Variants in SHB observed in about 807,000 individuals in gnomAD.
SHB encodes SH2 domain-containing adapter protein B.
SHB carries 20 observed loss-of-function variants against 52.3 expected under a neutral mutation model. The observed-to-expected ratio is 0.38, with a 90% confidence interval of 0.27 to 0.56. The LOEUF (loss-of-function observed/expected upper bound fraction) is 0.56. Among genes scored for constraint, SHB ranks in the 20% least tolerant of loss-of-function variants. The pLI, the probability that SHB is intolerant of heterozygous loss-of-function variation, is 0.71. For missense variants in SHB, 825 were observed against 723.3 expected, an observed-to-expected ratio of 1.14 and a Z score of -1.61; for synonymous variants, 397 against 316.5, an observed-to-expected ratio of 1.25 and a Z score of -2.70.
chr9:37,961,548 T>C (rs1461348335), intron 3 of SHB, among the ~76,000 whole-genome samples: 1 of 152,202 alleles, frequency 6.6e-6, no homozygotes, highest in Non-Finnish European at 1.5e-5. Flanking sequence ...CAACTTCCCC[T>C]ACAAAACCCC....
At chr9:38,019,904 A>G (rs1821261777) in intron 1 of SHB, among the ~76,000 whole-genome samples, 1 of 152,216 alleles carries the variant, frequency 6.6e-6, no homozygotes, top group Non-Finnish European at 1.5e-5. Flanking sequence ...AAAAAATTTA[A>G]AAAAAGCAGT....
At chr9:37,990,745 G>A (rs894208853) in intron 2 of SHB, among the ~76,000 whole-genome samples, 2 of 152,192 alleles carry the variant, frequency 1.3e-5, no homozygotes, top group African/African-American at 4.8e-5. Flanking sequence ...AGAATGAAGG[G>A]ACCAGAAACT....
chr9:37,983,774 G>C (rs962088467), intron 2 of SHB, among the ~76,000 whole-genome samples: 1 of 152,242 alleles, frequency 6.6e-6, no homozygotes, highest in African/African-American at 2.4e-5. Context: ...ATCCGTGCCC[G>C]AGACGCCAGG....
At chr9:38,025,417 T>A (rs957331182) in intron 1 of SHB, among the ~76,000 whole-genome samples, 4 of 152,122 alleles carry the variant, frequency 2.6e-5, no homozygotes, top group Admixed American at 2.6e-4. Flanking sequence ...AGGCGACACT[T>A]ACCAGGGACA....
intron 1 of SHB, among the ~76,000 whole-genome samples, chr9:38,020,160 A>G (rs979847293): frequency 1.3e-5 from 2 of 152,252 alleles, no homozygotes; most frequent in Non-Finnish European, 2.9e-5. Context: ...TGCAATGTTA[A>G]AACATTTTCA....
intron 4 of SHB, 53 bp downstream of exon 4, chr9:37,955,830 C>A (rs1487186086): frequency 2.6e-6 from 4 of 1,556,136 alleles, no homozygotes; most frequent in Non-Finnish European, 3.5e-6. Context: ...AAAGAGAGGG[C>A]AAAAACTAGG....
At chr9:37,935,954 C>T (rs926988676) in intron 5 of SHB, among the ~76,000 whole-genome samples, 4 of 150,538 alleles carry the variant, frequency 2.7e-5, no homozygotes, top group East Asian at 1.9e-4. Context: ...ATAGGCCGGG[C>T]GACTTTAGGA....
intron 2 of SHB, among the ~76,000 whole-genome samples, chr9:38,009,464 C>G (rs1261492187): frequency 2.6e-5 from 4 of 152,242 alleles, no homozygotes; most frequent in Admixed American, 2.6e-4. Context: ...GAGGCAGAAT[C>G]TGATTTTAGA....
intron 2 of SHB, among the ~76,000 whole-genome samples, chr9:37,996,923 T>C (rs1199749800): frequency 3.3e-5 from 5 of 152,256 alleles, no homozygotes; most frequent in African/African-American, 1.2e-4. Context: ...CTAATTTTCT[T>C]GCTTGATCCA....
chr9:38,030,821 C>T (rs1258997550), intron 1 of SHB, among the ~76,000 whole-genome samples: 2 of 152,166 alleles, frequency 1.3e-5, no homozygotes, highest in Non-Finnish European at 2.9e-5. Context: ...GTAATCCCCT[C>T]CTCTTGCCAG....
chr9:38,027,320 A>G (rs1821355602), intron 1 of SHB, among the ~76,000 whole-genome samples: 1 of 152,136 alleles, frequency 6.6e-6, no homozygotes, highest in African/African-American at 2.4e-5. Flanking sequence ...CACTGGGAAA[A>G]CATCTTCCTT....
rs13298512 is a variant in SHB at position 37,962,651 on chromosome 9, T to C, written c.1055-6597A>G. 6.4e-3 allele frequency among the ~76,000 whole-genome samples: 971 copies of C among 151,918 alleles called. 4 individuals are homozygous for C. The highest frequency in any genetic ancestry group is 0.01 in the Non-Finnish European group (692 of 67,956). On this transcript the variant is annotated intron_variant, in intron 3 of 5. Transcript: ENST00000377707. Reference sequence around the variant, plus strand: ...CCTCCCAAGCAGTAGGGACTACAGGTGCATGCTACCATGCTGGGCTAAGTT... The same window carrying C: ...CCTCCCAAGCAGTAGGGACTACAGGCGCATGCTACCATGCTGGGCTAAGTT...
chr9:38,048,608 T>C (rs1821690962), intron 1 of SHB, among the ~76,000 whole-genome samples: 1 of 152,206 alleles, frequency 6.6e-6, no homozygotes. Flanking sequence ...CACTCTAGCC[T>C]GGGTGACATA....
At position 38,068,735 on chromosome 9, in the gene SHB, GC is replaced by G; in HGVS notation, c.-91del. On this transcript the variant is annotated 5_prime_UTR_variant, in exon 1 of 6. Coordinates refer to ENST00000377707, the MANE Select transcript of SHB (RefSeq NM_003028.3). Reference sequence around the variant, plus strand: ...AGCGCTGCGGCGCAGGTCCCTCGGCGCCCCGGCCCCGGCGGGGGGCGTCCGG... The same window carrying G: ...AGCGCTGCGGCGCAGGTCCCTCGGCGCCCGGCCCCGGCGGGGGGCGTCCGG... 2.5e-6 allele frequency: 2 copies of G among 800,706 alleles called. No homozygotes were observed. Among genetic ancestry groups the G allele is most frequent in the Non-Finnish European group, 3.1e-6 (2 of 641,876 alleles). 49.6% of individuals were successfully genotyped at this position (800,706 alleles called of 1,614,324 possible).
At chr9:37,993,603 T>C (rs1820910410) in intron 2 of SHB, among the ~76,000 whole-genome samples, 1 of 152,128 alleles carries the variant, frequency 6.6e-6, no homozygotes, top group South Asian at 2.1e-4. Context: ...CTATTCTTTA[T>C]GTTAACATAA....
intron 1 of SHB, among the ~76,000 whole-genome samples, chr9:38,043,422 T>C (rs73646139): frequency 0.13 from 19,961 of 152,190 alleles, 2,776 homozygotes; most frequent in African/African-American, 0.35. Flanking sequence ...TGCATTTCCC[T>C]GTCTGAAAGC....
intron 3 of SHB, among the ~76,000 whole-genome samples, chr9:37,969,888 G>C (rs1820571894): frequency 1.3e-5 from 2 of 152,244 alleles, no homozygotes; most frequent in Admixed American, 1.3e-4. Flanking sequence ...AGCTGCACCT[G>C]GCGGGGGTGG....
At chr9:37,947,125 A>G (rs1417134652) in intron 5 of SHB, among the ~76,000 whole-genome samples, 3 of 152,106 alleles carry the variant, frequency 2.0e-5, no homozygotes, top group Admixed American at 2.0e-4. Context: ...GCCATAACTG[A>G]CCCGATTCTT....
intron 2 of SHB, among the ~76,000 whole-genome samples, chr9:38,013,124 T>A (rs1345865735): frequency 6.6e-6 from 1 of 152,096 alleles, no homozygotes; most frequent in African/African-American, 2.4e-5. Context: ...CCCCTTTTAA[T>A]AACCTATATT....
Sources: allele counts gnomAD v4.1 joint callset (sites outside exome capture counted in the v4.1 genomes callset), GRCh38; gene constraint gnomAD v4.1.1; transcripts MANE v1.5; gene names NCBI Gene and HGNC (gene_info 2026-07-23, HGNC 2026-07-21).